UNC13C: variants seen among roughly 807,000 people sequenced by gnomAD.
The protein encoded by UNC13C is unc-13 homolog C.
Under a neutral mutation model 245.4 loss-of-function variants are expected in UNC13C, and 174 were observed. The ratio of observed to expected loss-of-function variants is 0.71; its 90% CI spans 0.63 to 0.80. The LOEUF (loss-of-function observed/expected upper bound fraction) is 0.80. UNC13C is among the 30% of genes least tolerant of loss of function. UNC13C has a pLI of 0.00. For missense variants in UNC13C, 2,829 were observed against 2,602.9 expected (o/e 1.09, Z -1.89); for synonymous variants, 992 against 895.1 (o/e 1.11, Z -1.93).
chr15:54,555,341 G>T, intron 28 of UNC13C, 91 bp from the exon 29 acceptor site: 1 of 936,208 alleles, frequency 1.1e-6, no homozygotes, highest in East Asian at 2.6e-5. Flanking sequence ...TAGGAAGTTT[G>T]GCATATGGGG....
intron 18 of UNC13C, among the ~76,000 whole-genome samples, chr15:54,414,607 A>G (rs572306042): frequency 1.6e-4 from 24 of 152,090 alleles, no homozygotes; most frequent in Non-Finnish European, 3.2e-4. Flanking sequence ...AAATGGCACC[A>G]TTGCACTCCA....
At chr15:54,363,497 CT>C (rs1282102471) in intron 17 of UNC13C, among the ~76,000 whole-genome samples, 1 of 152,178 alleles carries the variant, frequency 6.6e-6, no homozygotes, top group East Asian at 1.9e-4. Context: ...AAATTATTTC[CT>C]TTTACTGGTG....
chr15:54,319,061 C>T (rs1419143166), intron 13 of UNC13C, among the ~76,000 whole-genome samples: 4 of 151,840 alleles, frequency 2.6e-5, no homozygotes, highest in African/African-American at 9.7e-5. Context: ...AACAAGATTA[C>T]TCAGCCTGAT....
At chr15:53,909,108 A>T in the UNC13C span, among the ~76,000 whole-genome samples, 10 of 146,618 alleles carry the variant, frequency 6.8e-5, 3 homozygotes, top group Non-Finnish European at 1.5e-4. Context: ...TTCCCTCCAA[A>T]GGCAGACTAC....
intron 17 of UNC13C, among the ~76,000 whole-genome samples, chr15:54,389,107 T>C (rs2039899532): frequency 6.6e-6 from 1 of 152,222 alleles, no homozygotes; most frequent in South Asian, 2.1e-4. Context: ...CTTTTCATGA[T>C]TTGACCCCTG....
At chr15:54,397,193 C>T (rs1329844650) in intron 18 of UNC13C, among the ~76,000 whole-genome samples, 1 of 151,476 alleles carries the variant, frequency 6.6e-6, no homozygotes, top group African/African-American at 2.4e-5. Context: ...CCAATTTTTG[C>T]TTGTTAACTG....
At chr15:53,958,846 G>A in the UNC13C span, among the ~76,000 whole-genome samples, 1 of 151,962 alleles carries the variant, frequency 6.6e-6, no homozygotes, top group Non-Finnish European at 1.5e-5. Flanking sequence ...ATATACAATC[G>A]ATTATTATTA....
chr15:53,850,422 AT>A, the UNC13C span, among the ~76,000 whole-genome samples: 4 of 152,082 alleles, frequency 2.6e-5, no homozygotes, highest in African/African-American at 7.2e-5. Flanking sequence ...CTCTAAAACT[AT>A]TTTTTTAATT....
intron 8 of UNC13C, among the ~76,000 whole-genome samples, chr15:54,259,885 T>C (rs2036380520): frequency 6.6e-6 from 1 of 151,816 alleles, no homozygotes; most frequent in South Asian, 2.1e-4. Flanking sequence ...TTCATAAGAT[T>C]TATTCCACAG....
At chr15:54,322,900 C>T (rs74545928) in intron 14 of UNC13C, among the ~76,000 whole-genome samples, 4,439 of 151,884 alleles carry the variant, frequency 0.029, 97 homozygotes, top group Non-Finnish European at 0.044. Context: ...GGGACATGGA[C>T]AGGGAGGGAA....
the UNC13C span, among the ~76,000 whole-genome samples, chr15:53,870,387 A>G: frequency 6.6e-6 from 1 of 151,770 alleles, no homozygotes; most frequent in Admixed American, 6.6e-5. Flanking sequence ...TAAAAGGCAC[A>G]ACTGCAGAAT....
intron 29 of UNC13C, among the ~76,000 whole-genome samples, chr15:54,561,090 A>C (rs1897281231): frequency 6.6e-6 from 1 of 151,898 alleles, no homozygotes; most frequent in Non-Finnish European, 1.5e-5. Context: ...CTTTTCCCCA[A>C]GCAATAGTTC....
chr15:54,490,432 A>T (rs941834553), intron 19 of UNC13C, among the ~76,000 whole-genome samples: 1 of 152,130 alleles, frequency 6.6e-6, no homozygotes, highest in East Asian at 1.9e-4. Context: ...GCAGGAATGT[A>T]GGGAGTTTGC....
intron 10 of UNC13C, among the ~76,000 whole-genome samples, chr15:54,293,091 G>T (rs939682270): frequency 2.0e-5 from 3 of 151,690 alleles, no homozygotes; most frequent in African/African-American, 7.3e-5. Context: ...AAGCACCTGT[G>T]CTAGAGGAAA....
intron 2 of UNC13C, among the ~76,000 whole-genome samples, chr15:54,105,290 G>A (rs572703879): frequency 6.6e-6 from 1 of 152,140 alleles, no homozygotes; most frequent in South Asian, 2.1e-4. Flanking sequence ...GACATGGGGG[G>A]GTCTCAGCAG....
the UNC13C span, among the ~76,000 whole-genome samples, chr15:53,900,169 T>C: frequency 3.3e-5 from 5 of 151,486 alleles, no homozygotes; most frequent in East Asian, 9.8e-4. Context: ...GGGACTAGAA[T>C]GATACCCTAT....
intron 4 of UNC13C, among the ~76,000 whole-genome samples, chr15:54,173,682 A>G (rs1007662422): frequency 1.3e-5 from 2 of 152,032 alleles, no homozygotes; most frequent in African/African-American, 4.8e-5. Context: ...CTTCCTTTCC[A>G]AAGTGTATGG....
intron 2 of UNC13C, among the ~76,000 whole-genome samples, chr15:54,067,902 G>A (rs1468933217): frequency 3.3e-5 from 5 of 152,208 alleles, no homozygotes; most frequent in Non-Finnish European, 7.3e-5. Flanking sequence ...AAATTAAGGA[G>A]TTAGAGTAAT....
intron 11 of UNC13C, 41 bp from the exon 12 acceptor site, chr15:54,297,769 AT>A: frequency 7.1e-7 from 1 of 1,402,176 alleles, no homozygotes. Context: ...GAAAAACATT[AT>A]TGTCAGACAT....
Sources: allele counts gnomAD v4.1 joint callset (sites outside exome capture counted in the v4.1 genomes callset), GRCh38; gene constraint gnomAD v4.1.1; transcripts MANE v1.5; gene names NCBI Gene and HGNC (gene_info 2026-07-23, HGNC 2026-07-21).